The following FBXL17 variants were observed in gnomAD, a reference collection of about 807,000 sequenced individuals.
FBXL17 encodes the protein F-box/LRR-repeat protein 17.
FBXL17 carries 22 observed loss-of-function variants against 66.2 expected under a neutral mutation model. That is an observed-to-expected ratio of 0.33 (90% CI 0.24 to 0.47). The LOEUF (loss-of-function observed/expected upper bound fraction) is 0.47. Ranked by LOEUF, FBXL17 falls within the 20% of genes least tolerant of loss-of-function variation. FBXL17 has a pLI of 1.00. For missense variants in FBXL17, 878 were observed against 948.2 expected (o/e 0.93, Z 0.97); for synonymous variants, 474 against 400.5 (o/e 1.18, Z -2.19).
chr5:108,297,352 T>C (rs956280167), intron 4 of FBXL17, among the ~76,000 whole-genome samples: 2 of 151,750 alleles, frequency 1.3e-5, no homozygotes, highest in African/African-American at 4.8e-5. Context: ...ATGTAATATA[T>C]AGAACCTCAG....
Position 108,037,405 on chromosome 5 carries a change from AT to A in FBXL17, c.1746-16405del, listed in dbSNP as rs557624870. 2.0e-4 allele frequency among the ~76,000 whole-genome samples: 30 copies of A among 152,322 alleles called. 1 individual carries two copies. The East Asian group carries it at 5.6e-3, about 28-fold the overall frequency. ...AGAGTAAATACCATAGTAAGACAATATGGGATTTGCTAGCGATTATTTTCAA... is the reference window on the plus strand; with the variant it reads ...AGAGTAAATACCATAGTAAGACAATAGGGATTTGCTAGCGATTATTTTCAA... On this transcript the variant is annotated intron_variant, in intron 6 of 8. Transcript: ENST00000542267.
chr5:108,003,966 G>A (rs1012465094), intron 7 of FBXL17, among the ~76,000 whole-genome samples: 9 of 152,116 alleles, frequency 5.9e-5, no homozygotes, highest in Non-Finnish European at 1.2e-4. Context: ...TCCTTGGGTT[G>A]AGGAAGATCT....
intron 6 of FBXL17, among the ~76,000 whole-genome samples, chr5:108,141,216 T>C (rs1751335915): frequency 2.6e-5 from 4 of 152,178 alleles, no homozygotes; most frequent in African/African-American, 7.2e-5. Flanking sequence ...GAACAGATCA[T>C]CTGCCTGGCA....
chr5:108,052,978 G>C (rs1476840510), intron 6 of FBXL17, among the ~76,000 whole-genome samples: 1 of 152,180 alleles, frequency 6.6e-6, no homozygotes. Context: ...ATGGTGCTGG[G>C]AAAACTGGCT....
intron 7 of FBXL17, among the ~76,000 whole-genome samples, chr5:108,000,879 T>C (rs914184183): frequency 2.0e-5 from 3 of 152,202 alleles, no homozygotes; most frequent in Admixed American, 2.0e-4. Context: ...AAGAGGAACA[T>C]AGCACAATAA....
intron 7 of FBXL17, among the ~76,000 whole-genome samples, chr5:107,935,087 C>T (rs1410543069): frequency 6.6e-6 from 1 of 151,704 alleles, no homozygotes; most frequent in Non-Finnish European, 1.5e-5. Context: ...TTGCACTTTA[C>T]ACACATAAGA....
intron 6 of FBXL17, among the ~76,000 whole-genome samples, chr5:108,072,784 C>G (rs1339054468): frequency 1.3e-5 from 2 of 152,162 alleles, no homozygotes; most frequent in Non-Finnish European, 2.9e-5. Flanking sequence ...TATCTCATTC[C>G]TCATTAACGC....
chr5:108,265,254 T>TATCTGCACTGATC (rs1757000873), intron 4 of FBXL17, among the ~76,000 whole-genome samples: 1 of 152,112 alleles, frequency 6.6e-6, no homozygotes, highest in African/African-American at 2.4e-5. Context: ...CGGATAGAAC[T>TATCTGCACTGATC]ATCTGCACTG....
intron 7 of FBXL17, among the ~76,000 whole-genome samples, chr5:107,977,781 G>A (rs956468699): frequency 2.2e-4 from 33 of 152,168 alleles, no homozygotes; most frequent in African/African-American, 6.5e-4. Context: ...CAAGAAACCC[G>A]GCACATAGTT....
intron 7 of FBXL17, among the ~76,000 whole-genome samples, chr5:107,911,669 C>G (rs542679662): frequency 6.6e-6 from 1 of 152,040 alleles, no homozygotes; most frequent in African/African-American, 2.4e-5. Flanking sequence ...ACTGTTAAGA[C>G]CTAAAGCACA....
chr5:108,244,773 G>A (rs1756017773), intron 4 of FBXL17, among the ~76,000 whole-genome samples: 1 of 151,990 alleles, frequency 6.6e-6, no homozygotes. Flanking sequence ...TATACATCAG[G>A]GGGAAAAAGT....
chr5:107,883,642 T>A (rs1748867829), intron 7 of FBXL17, among the ~76,000 whole-genome samples: 1 of 152,202 alleles, frequency 6.6e-6, no homozygotes, highest in South Asian at 2.1e-4. Context: ...GGGAATGTTA[T>A]TATTTGTTTA....
intron 6 of FBXL17, among the ~76,000 whole-genome samples, chr5:108,047,101 G>A (rs557773310): frequency 8.5e-5 from 13 of 152,268 alleles, no homozygotes; most frequent in Non-Finnish European, 1.9e-4. Context: ...TGAATCCTAC[G>A]CTGGCAACCA....
At chr5:108,345,085 AGCAC>A (rs2112455840) in intron 4 of FBXL17, among the ~76,000 whole-genome samples, 2 of 152,298 alleles carry the variant, frequency 1.3e-5, no homozygotes, top group African/African-American at 4.8e-5. Context: ...CTGTAATCCC[AGCAC>A]TTTGGGAGGC....
chr5:108,185,903 AT>A (rs1753209399), intron 6 of FBXL17, among the ~76,000 whole-genome samples: 2 of 152,228 alleles, frequency 1.3e-5, no homozygotes, highest in African/African-American at 2.4e-5. Context: ...GTTGAGGCAA[AT>A]ATTTGTATTA....
intron 6 of FBXL17, among the ~76,000 whole-genome samples, chr5:108,135,793 T>G (rs1182235011): frequency 6.6e-6 from 1 of 152,308 alleles, no homozygotes; most frequent in South Asian, 2.1e-4. Flanking sequence ...TCAATCACTC[T>G]AAACTTTATA....
chr5:108,372,319 T>C (rs776792330), intron 1 of FBXL17, among the ~76,000 whole-genome samples: 32 of 152,024 alleles, frequency 2.1e-4, no homozygotes, highest in Middle Eastern at 3.2e-3. Context: ...AATATACATA[T>C]AATTGGAGGC....
intron 6 of FBXL17, among the ~76,000 whole-genome samples, chr5:108,165,647 C>G (rs554383993): frequency 1.9e-4 from 29 of 152,290 alleles, no homozygotes; most frequent in Admixed American, 1.4e-3. Flanking sequence ...TGAATCTGGA[C>G]AGGTCACAGA....
chr5:108,021,869 G>C (rs1158671827), intron 6 of FBXL17, among the ~76,000 whole-genome samples: 2 of 151,452 alleles, frequency 1.3e-5, no homozygotes, highest in African/African-American at 4.8e-5. Context: ...TAAGTAAAAG[G>C]GTAAAAGCAA....
Sources: gnomAD v4.1 joint callset for allele counts (sites outside exome capture counted in the v4.1 genomes callset) on GRCh38, gnomAD v4.1.1 for gene constraint, MANE v1.5 for transcripts, NCBI Gene and HGNC (gene_info 2026-07-23, HGNC 2026-07-21) for gene names.